WDR72: variants seen among roughly 807,000 people sequenced by gnomAD.
The protein encoded by WDR72 is WD repeat domain 72, also known as WD repeat-containing protein 72.
A neutral mutation model predicts 124.2 loss-of-function variants in WDR72; 120 were observed. The observed-to-expected ratio is 0.97, with a 90% confidence interval of 0.83 to 1.12. WDR72 has a LOEUF of 1.12. Among genes scored for constraint, WDR72 ranks in the 50% most tolerant of loss-of-function variants. The pLI is 0.00. For missense variants in WDR72, 1,387 were observed against 1,278.8 expected, an observed-to-expected ratio of 1.08 and a Z score of -1.29; for synonymous variants, 452 against 441.7, an observed-to-expected ratio of 1.02 and a Z score of -0.29.
chr15:53,532,019 T>C (rs1019849788), intron 18 of WDR72, among the ~76,000 whole-genome samples: 7 of 152,040 alleles, frequency 4.6e-5, no homozygotes, highest in Non-Finnish European at 8.8e-5. Context: ...TTGGGAAACA[T>C]TTAGAGGAAA....
intron 1 of WDR72, among the ~76,000 whole-genome samples, chr15:53,738,997 GCA>G (rs1254226685): frequency 2.0e-5 from 3 of 152,272 alleles, no homozygotes; most frequent in South Asian, 2.1e-4. Flanking sequence ...GTAAAATTAT[GCA>G]CACACACATT....
Position 53,661,482 on chromosome 15 carries a change from C to G in WDR72, c.1962+4090G>C, listed in dbSNP as rs540720389. Among the ~76,000 whole-genome samples, 3 of 152,230 alleles carry G rather than the reference C, an allele frequency of 2.0e-5. No homozygotes were observed. In the East Asian group the frequency reaches 5.8e-4, roughly 29 times the overall value. On this transcript the variant is annotated intron_variant, in intron 14 of 19. Transcript: ENST00000360509. The stretch of plus-strand genomic sequence containing the variant: ...TTAATCTATTCAGGAAGGATATGCC[C>G]CATGACCTAAAGACCTCTCCTTAGG...
At chr15:53,694,439 A>G (rs2016940407) in intron 13 of WDR72, among the ~76,000 whole-genome samples, 1 of 151,998 alleles carries the variant, frequency 6.6e-6, no homozygotes, top group Non-Finnish European at 1.5e-5. Context: ...AAATCAGATG[A>G]CCAGAGCCGT....
chr15:53,707,525 C>T (rs1303443054), intron 9 of WDR72, among the ~76,000 whole-genome samples: 2 of 152,012 alleles, frequency 1.3e-5, no homozygotes, highest in Non-Finnish European at 2.9e-5. Context: ...CGGCTCACTG[C>T]AAGCTCTGCC....
intron 18 of WDR72, among the ~76,000 whole-genome samples, chr15:53,581,192 T>G (rs1372571966): frequency 6.6e-6 from 1 of 152,068 alleles, no homozygotes; most frequent in Non-Finnish European, 1.5e-5. Flanking sequence ...TTAGCAATTT[T>G]GTTCATGTAA....
chr15:53,598,044 G>C (rs1043206875), intron 17 of WDR72, among the ~76,000 whole-genome samples: 1 of 152,122 alleles, frequency 6.6e-6, no homozygotes, highest in Non-Finnish European at 1.5e-5. Context: ...TGCAAAGCTA[G>C]TGACAGTTTC....
At chr15:53,680,190 C>G (rs1016955748) in intron 13 of WDR72, among the ~76,000 whole-genome samples, 1 of 152,158 alleles carries the variant, frequency 6.6e-6, no homozygotes, top group South Asian at 2.1e-4. Context: ...CAGTTTCCTG[C>G]AATATAGTAT....
At chr15:53,634,767 AG>A (rs1242954917) in intron 14 of WDR72, among the ~76,000 whole-genome samples, 1 of 152,230 alleles carries the variant, frequency 6.6e-6, no homozygotes, top group Non-Finnish European at 1.5e-5. Context: ...TGTCTCACCA[AG>A]GAACAATAAA....
At chr15:53,669,730 G>C (rs2015924073) in intron 13 of WDR72, among the ~76,000 whole-genome samples, 1 of 152,048 alleles carries the variant, frequency 6.6e-6, no homozygotes, top group African/African-American at 2.4e-5. Context: ...AACCAAAAAG[G>C]GAGGTATGAC....
chr15:53,756,810 G>T (rs1376340188), intron 1 of WDR72: 1 of 152,180 alleles, frequency 6.6e-6, no homozygotes, highest in Admixed American at 6.5e-5. Flanking sequence ...ACTTGCCGAA[G>T]GTCAGAGCTA....
At chr15:53,638,476 G>A (rs908012227) in intron 14 of WDR72, among the ~76,000 whole-genome samples, 2 of 151,994 alleles carry the variant, frequency 1.3e-5, no homozygotes, top group Non-Finnish European at 2.9e-5. Flanking sequence ...TTTAAACATG[G>A]TCCTGGAAGT....
rs1428947225 is a variant in WDR72 at position 53,609,860 on chromosome 15, AC to A, written c.2873-269del. On this transcript the variant is annotated intron_variant, in intron 16 of 19. Coordinates refer to ENST00000360509, the MANE Select transcript of WDR72 (RefSeq NM_182758.4). The stretch of plus-strand genomic sequence containing the variant: ...TACATTTATACACACACACACACAC[AC>A]ACACACAATTTATATGTAATTCTAA... Among the ~76,000 whole-genome samples, 37 of 152,106 alleles carry A rather than the reference AC, an allele frequency of 2.4e-4. 1 individual carries two copies. In the South Asian group the frequency reaches 7.5e-3, roughly 31 times the overall value.
chr15:53,686,437 A>G (rs1384688014), intron 13 of WDR72, among the ~76,000 whole-genome samples: 1 of 150,002 alleles, frequency 6.7e-6, no homozygotes, highest in Non-Finnish European at 1.5e-5. Flanking sequence ...CAGACTTTAA[A>G]CCAACAAAGA....
intron 17 of WDR72, among the ~76,000 whole-genome samples, chr15:53,599,418 A>C (rs931337834): frequency 3.9e-5 from 6 of 152,170 alleles, no homozygotes; most frequent in Non-Finnish European, 7.3e-5. Context: ...CACGACAGTT[A>C]CCACAAATCC....
chr15:53,552,152 G>GTGTGT lies in WDR72; in HGVS notation c.3149-28831_3149-28830insACACA, dbSNP rs574285684. Among the ~76,000 whole-genome samples, 739 of 151,028 alleles carry GTGTGT rather than the reference G, an allele frequency of 4.9e-3. 3 individuals are homozygous for GTGTGT. The highest frequency in any genetic ancestry group is 8.4e-3 in the Non-Finnish European group (570 of 67,840). ...CATGTGTGTGTGTGTGTGTGTGTGT[G>GTGTGT]TTTATGTATGTACTAGTATGTATAA... On this transcript the variant is annotated intron_variant, in intron 18 of 19. Coordinates refer to ENST00000360509, the MANE Select transcript of WDR72 (RefSeq NM_182758.4).
chr15:53,737,216 T>C (rs1305492582), intron 1 of WDR72, among the ~76,000 whole-genome samples: 1 of 152,136 alleles, frequency 6.6e-6, no homozygotes, highest in African/African-American at 2.4e-5. Flanking sequence ...CTGGACTAAA[T>C]TGCTGTTAAA....
intron 1 of WDR72, among the ~76,000 whole-genome samples, chr15:53,758,185 G>C (rs1028119197): frequency 6.6e-6 from 1 of 152,116 alleles, no homozygotes; most frequent in Non-Finnish European, 1.5e-5. Flanking sequence ...GATTTTTGTA[G>C]AGATGAAGTT....
intron 17 of WDR72, among the ~76,000 whole-genome samples, chr15:53,602,741 T>G (rs1008427668): frequency 6.6e-6 from 1 of 151,650 alleles, no homozygotes; most frequent in East Asian, 1.9e-4. Flanking sequence ...CTGGAAGAAA[T>G]AGATAAATTC....
intron 1 of WDR72, among the ~76,000 whole-genome samples, chr15:53,743,908 G>C (rs1274928626): frequency 6.6e-6 from 1 of 151,746 alleles, no homozygotes; most frequent in Non-Finnish European, 1.5e-5. Context: ...CCGGGAGGCG[G>C]AGCTTGCAGT....
Sources: gnomAD v4.1 joint callset for allele counts (sites outside exome capture counted in the v4.1 genomes callset) on GRCh38, gnomAD v4.1.1 for gene constraint, MANE v1.5 for transcripts, NCBI Gene and HGNC (gene_info 2026-07-23, HGNC 2026-07-21) for gene names.